The following PCDH11X variants were observed in gnomAD, a reference collection of about 807,000 sequenced individuals.
PCDH11X encodes protocadherin 11 X-linked.
A neutral mutation model predicts 53.3 loss-of-function variants in PCDH11X; 18 were observed. The observed-to-expected ratio is 0.34, with a 90% CI of 0.23 to 0.50. The LOEUF (loss-of-function observed/expected upper bound fraction) is 0.50, where lower values mean the gene tolerates loss of function less well. PCDH11X is among the 20% of genes least tolerant of loss of function. The pLI is 0.98. For missense variants in PCDH11X, 570 were observed against 1,032.4 expected, an observed-to-expected ratio of 0.55 and a Z score of 6.14; for synonymous variants, 279 against 393.3, an observed-to-expected ratio of 0.71 and a Z score of 3.44.
intron 6 of PCDH11X, among the ~76,000 whole-genome samples, chrX:92,126,710 A>AGT (rs71913292): frequency 0.43 from 42,869 of 100,261 alleles, 7,559 homozygotes; most frequent in Non-Finnish European, 0.48. Flanking sequence ...ATATGTGGGG[A>AGT]GTGTGTGTGT....
chrX:92,236,078 T>C (rs2067167001), intron 7 of PCDH11X, among the ~76,000 whole-genome samples: 1 of 111,574 alleles, frequency 9.0e-6, no homozygotes, highest in African/African-American at 3.3e-5. Context: ...GATATTTCAT[T>C]TCTCAACATT....
rs1248836954 is a variant in PCDH11X at position 92,490,722 on chromosome X, A to AAGAAAGAG, written c.3367+22424_3367+22431dup. Among the ~76,000 whole-genome samples, 422 of 95,004 alleles carry AAGAAAGAG rather than the reference A, an allele frequency of 4.4e-3. 2 individuals carry two copies. Among genetic ancestry groups the AAGAAAGAG allele is most frequent in the African/African-American group, 0.015 (397 of 25,631 alleles). 82.5% of individuals were successfully genotyped at this position (95,004 alleles called of 115,157 possible). A position where few individuals can be genotyped will look rare whatever the true frequency, so the allele number is the denominator to read the frequency against. On this transcript the variant is annotated intron_variant, in intron 10 of 10. Coordinates refer to ENST00000682573, the MANE Select transcript of PCDH11X (RefSeq NM_032968.5). ...GTTCTAAGAGAAAAAGAAAGAAAGA[A>AAGAAAGAG]AGAAAGAGAGAAAGAGAGAAAGAGA...
chrX:92,175,776 G>A (rs758474412), intron 6 of PCDH11X, among the ~76,000 whole-genome samples: 966 of 79,284 alleles, frequency 0.012, 20 homozygotes, highest in African/African-American at 0.041. Context: ...GTGTGTGTGT[G>A]TATATATATA....
chrX:92,036,190 C>A (rs1372442728), intron 6 of PCDH11X, among the ~76,000 whole-genome samples: 4 of 103,736 alleles, frequency 3.9e-5, no homozygotes, highest in Admixed American at 1.1e-4. Context: ...ATATGTTTTC[C>A]TGGAGGTTAC....
At chrX:92,111,818 C>CA (rs1163029497) in intron 6 of PCDH11X, among the ~76,000 whole-genome samples, 1 of 109,761 alleles carries the variant, frequency 9.1e-6, no homozygotes, top group African/African-American at 3.3e-5. Context: ...AGTGCAGTGG[C>CA]CGATCTCGGC....
At chrX:92,452,192 G>T (rs1182827795) in intron 9 of PCDH11X, among the ~76,000 whole-genome samples, 11 of 103,243 alleles carry the variant, frequency 1.1e-4, no homozygotes, top group Non-Finnish European at 1.8e-4. Flanking sequence ...TTTATCAAAA[G>T]AAAGAATATA....
At chrX:91,882,421 A>G (rs1939954967) in intron 6 of PCDH11X, among the ~76,000 whole-genome samples, 1 of 110,652 alleles carries the variant, frequency 9.0e-6, no homozygotes, top group African/African-American at 3.3e-5. Flanking sequence ...GCCAAAACCA[A>G]GTCTTGCTTA....
intron 10 of PCDH11X, among the ~76,000 whole-genome samples, chrX:92,596,963 T>C (rs992876578): frequency 3.6e-5 from 4 of 111,550 alleles, no homozygotes; most frequent in Non-Finnish European, 7.5e-5. Context: ...TTATTTCAAT[T>C]GAAGTCAAAA....
In PCDH11X at chrX:91,853,751, C is replaced by T. The variant is rs898885682; in HGVS notation, c.540+17707C>T. Among the ~76,000 whole-genome samples, 3 of 111,083 alleles carry T rather than the reference C, an allele frequency of 2.7e-5. No individual in the cohort carries two copies. In the Admixed American group the frequency reaches 2.9e-4, roughly 11 times the overall value. On this transcript the variant is annotated intron_variant, in intron 5 of 10. Coordinates refer to ENST00000682573, the MANE Select transcript of PCDH11X (RefSeq NM_032968.5). The stretch of plus-strand genomic sequence containing the variant: ...GGTGTGTGATAGAACTAATTACAAG[C>T]GTTTTTTAAGCGAATATTTTTAGTT...
chrX:92,117,394 G>T (rs773113751), intron 6 of PCDH11X, among the ~76,000 whole-genome samples: 1 of 107,747 alleles, frequency 9.3e-6, no homozygotes, highest in East Asian at 2.9e-4. Context: ...CGGGGATCGG[G>T]CCACTTTACT....
chrX:92,553,049 T>C (rs1338214430), intron 10 of PCDH11X, among the ~76,000 whole-genome samples: 1 of 102,969 alleles, frequency 9.7e-6, no homozygotes, highest in Admixed American at 1.1e-4. Context: ...TGATGTGCCT[T>C]TGTCTGCTTT....
chrX:91,901,752 G>A (rs759775774), intron 6 of PCDH11X, among the ~76,000 whole-genome samples: 109 of 111,637 alleles, frequency 9.8e-4, no homozygotes, highest in African/African-American at 3.0e-3. Context: ...AAGATAAAAC[G>A]TAAAGACAAA....
intron 6 of PCDH11X, among the ~76,000 whole-genome samples, chrX:92,147,880 CTTTT>C (rs1368075117): frequency 5.0e-5 from 3 of 60,319 alleles, no homozygotes; most frequent in African/African-American, 1.2e-4. Context: ...TCCTTTCTTT[CTTTT>C]TCTTTCTCTT....
intron 8 of PCDH11X, among the ~76,000 whole-genome samples, chrX:92,383,188 A>G (rs1200782993): frequency 9.0e-6 from 1 of 110,728 alleles, no homozygotes; most frequent in Non-Finnish European, 1.9e-5. Context: ...AGACTGTATC[A>G]TATGGCCCAC....
intron 5 of PCDH11X, among the ~76,000 whole-genome samples, chrX:91,873,856 C>G (rs1392760761): frequency 3.6e-5 from 4 of 111,379 alleles, no homozygotes; most frequent in African/African-American, 1.3e-4. Context: ...CTAATAATAA[C>G]TTACAATTTC....
chrX:91,911,446 C>T (rs1042792745), intron 6 of PCDH11X, among the ~76,000 whole-genome samples: 5 of 109,278 alleles, frequency 4.6e-5, no homozygotes, highest in South Asian at 3.9e-4. Flanking sequence ...ATACTTCCTT[C>T]GTGTGTGTTA....
At chrX:92,212,037 A>C (rs1394799977) in intron 7 of PCDH11X, among the ~76,000 whole-genome samples, 1 of 71,521 alleles carries the variant, frequency 1.4e-5, no homozygotes, top group African/African-American at 5.8e-5. Flanking sequence ...CCTGAGGCAG[A>C]GTCTTGCTTT....
intron 6 of PCDH11X, among the ~76,000 whole-genome samples, chrX:92,108,561 T>G: frequency 9.0e-6 from 1 of 111,698 alleles, no homozygotes; most frequent in Non-Finnish European, 1.9e-5. Context: ...TGTTTCACCA[T>G]TATGGTACAC....
At chrX:91,945,705 A>G (rs1220221130) in intron 6 of PCDH11X, among the ~76,000 whole-genome samples, 6 of 108,163 alleles carry the variant, frequency 5.5e-5, no homozygotes, top group African/African-American at 2.0e-4. Context: ...GTAAATTTAT[A>G]GTTTTGTTGC....
Sources: gnomAD v4.1 joint callset for allele counts (sites outside exome capture counted in the v4.1 genomes callset) on GRCh38, gnomAD v4.1.1 for gene constraint, MANE v1.5 for transcripts, NCBI Gene and HGNC (gene_info 2026-07-23, HGNC 2026-07-21) for gene names.